The following CPLX2 variants were observed in gnomAD, a reference collection of about 807,000 sequenced individuals.
CPLX2 encodes the protein complexin-2.
Under a neutral mutation model 16.3 loss-of-function variants are expected in CPLX2, and 5 were observed. That is an observed-to-expected ratio of 0.31 (90% CI 0.16 to 0.64). The LOEUF is 0.64. Ranked by LOEUF, CPLX2 falls within the 30% of genes least tolerant of loss-of-function variation. The pLI is 0.79. For synonymous variants in CPLX2, 89 were observed against 73.2 expected (o/e 1.22, Z -1.10); for missense variants, 144 against 181.4 (o/e 0.79, Z 1.18).
At chr5:175,817,929 G>C (rs1258809786) in intron 2 of CPLX2, among the ~76,000 whole-genome samples, 1 of 152,156 alleles carries the variant, frequency 6.6e-6, no homozygotes, top group Non-Finnish European at 1.5e-5. Context: ...TCAACCTAGG[G>C]TTAAGTGTGG....
At chr5:175,879,448 C>A (rs1755514682) in intron 3 of CPLX2, among the ~76,000 whole-genome samples, 1 of 152,212 alleles carries the variant, frequency 6.6e-6, no homozygotes, top group African/African-American at 2.4e-5. Flanking sequence ...GGGTCTGGGG[C>A]TGCCACCCTA....
intron 2 of CPLX2, among the ~76,000 whole-genome samples, chr5:175,824,414 A>G (rs903199087): frequency 1.3e-5 from 2 of 152,156 alleles, no homozygotes; most frequent in African/African-American, 4.8e-5. Flanking sequence ...AACCCCAGAG[A>G]TAGAAGAGCC....
chr5:175,853,020 T>C lies in CPLX2; in HGVS notation c.-88-25632T>C, dbSNP rs114314590. Among the ~76,000 whole-genome samples, 952 of 152,348 alleles carry C rather than the reference T, an allele frequency of 6.2e-3. 9 individuals carry two copies. Among genetic ancestry groups the C allele is most frequent in the African/African-American group, 0.022 (907 of 41,588 alleles). ...CATGACCAGAGGGCTAGCCTCAGAC[T>C]GAGGGCCCAGGCCCAACAGCGTGGG... is the stretch of plus-strand genomic sequence containing the variant. On this transcript the variant is annotated intron_variant, in intron 2 of 4. Transcript: ENST00000359546.
chr5:175,863,254 G>A (rs956702582), intron 2 of CPLX2, among the ~76,000 whole-genome samples: 3 of 152,210 alleles, frequency 2.0e-5, no homozygotes, highest in Admixed American at 6.5e-5. Flanking sequence ...TGGTGAGGTC[G>A]CCATATAGGG....
In CPLX2 at chr5:175,880,218, C is replaced by T. The variant is rs1380897669; in HGVS notation, c.*173C>T. On this transcript the variant is annotated 3_prime_UTR_variant, in exon 4 of 4. Transcript: ENST00000393745. ...GCTCTCCCTCACACCTCCCTTCATC[C>T]CAGGGTATCCACCTGCACCCCACTC... is the stretch of plus-strand genomic sequence containing the variant. 1 of 735,578 alleles carries T rather than the reference C, an allele frequency of 1.4e-6. No homozygotes were observed. Among genetic ancestry groups the T allele is most frequent in the Non-Finnish European group, 2.5e-6 (1 of 405,412 alleles). The allele number at this position is 735,578 out of a possible 1,614,324, so 45.6% of individuals were successfully genotyped here.
upstream of CPLX2, chr5:175,871,485 G>GAGA (rs1561790514): frequency 6.7e-6 from 1 of 149,402 alleles, no homozygotes; most frequent in Non-Finnish European, 1.5e-5. Flanking sequence ...GAGAGAGAGA[G>GAGA]ATTTGAATTT....
At chr5:175,796,796 G>T (rs1420959657) in intron 1 of CPLX2, 1 of 152,248 alleles carries the variant, frequency 6.6e-6, no homozygotes. Context: ...TTCGTAGAAC[G>T]CGCGCTCGCT....
At chr5:175,844,104 T>G (rs1758998373) in intron 2 of CPLX2, among the ~76,000 whole-genome samples, 1 of 152,076 alleles carries the variant, frequency 6.6e-6, no homozygotes, top group Admixed American at 6.5e-5. Flanking sequence ...TTAAAAGGGG[T>G]GGGGTTTCTG....
intron 1 of CPLX2, among the ~76,000 whole-genome samples, chr5:175,804,056 TAAGATA>T (rs1365514986): frequency 6.6e-6 from 1 of 152,108 alleles, no homozygotes; most frequent in Admixed American, 6.5e-5. Context: ...AAAACTTGAT[TAAGATA>T]AATAACTTTT....
At chr5:175,879,234 C>G in intron 3 of CPLX2, 151 bp downstream of exon 3, 1 of 794,030 alleles carries the variant, frequency 1.3e-6, no homozygotes, top group Non-Finnish European at 2.0e-6. Context: ...ACGGGTATCA[C>G]AAGGTCACCT....
intron 2 of CPLX2, among the ~76,000 whole-genome samples, chr5:175,859,577 G>A (rs924833391): frequency 1.3e-5 from 2 of 152,248 alleles, no homozygotes; most frequent in African/African-American, 2.4e-5. Context: ...GGAACAGATG[G>A]CACCTGCCCA....
At chr5:175,846,699 G>A (rs1759049575) in intron 2 of CPLX2, among the ~76,000 whole-genome samples, 1 of 152,148 alleles carries the variant, frequency 6.6e-6, no homozygotes. Context: ...TTCCCCAACT[G>A]TTCTAGGAGC....
chr5:175,871,811 C>G (rs1003802324), intron 1 of CPLX2, 106 bp downstream of exon 1: 1 of 152,554 alleles, frequency 6.6e-6, no homozygotes, highest in African/African-American at 2.4e-5. Context: ...GGGAGCACGG[C>G]TTTCGGGGGG....
Position 175,830,521 on chromosome 5 carries a change from C to T in CPLX2, c.-89+21453C>T, listed in dbSNP as rs1758716286. 6.6e-6 allele frequency among the ~76,000 whole-genome samples: 1 copy of T among 152,158 alleles called. No individual in the cohort carries two copies. The highest frequency in any genetic ancestry group is 1.5e-5 in the Non-Finnish European group (1 of 68,028). On this transcript the variant is annotated intron_variant, in intron 2 of 4. Transcript: ENST00000359546. This position sits in a 1 kb window ranked among gnomAD's most constrained non-coding sequence, Gnocchi z 4.0. ...GTTTTAGGGGTGAAGCACCCCACCCCCAGCTGTCCAGCCACCCTTAGCCTC... is the reference window on the plus strand; with the variant it reads ...GTTTTAGGGGTGAAGCACCCCACCCTCAGCTGTCCAGCCACCCTTAGCCTC...
intron 2 of CPLX2, among the ~76,000 whole-genome samples, chr5:175,853,194 T>C (rs567947852): frequency 6.6e-6 from 1 of 152,324 alleles, no homozygotes; most frequent in South Asian, 2.1e-4. Flanking sequence ...TTTTTGCAAG[T>C]GAATGAAATG....
chr5:175,818,050 C>T (rs531604690), intron 2 of CPLX2, among the ~76,000 whole-genome samples: 22 of 152,262 alleles, frequency 1.4e-4, no homozygotes, highest in East Asian at 3.9e-4. Context: ...TGAGCATAAG[C>T]GCAAGAAATG....
intron 2 of CPLX2, among the ~76,000 whole-genome samples, chr5:175,832,280 AAGCTCATTG>A (rs1758747970): frequency 1.3e-5 from 2 of 152,198 alleles, no homozygotes; most frequent in African/African-American, 4.8e-5. Context: ...AAGACCATGA[AAGCTCATTG>A]AGCACCATGC....
intron 2 of CPLX2, among the ~76,000 whole-genome samples, chr5:175,822,675 T>C (rs1758535385): frequency 6.6e-6 from 1 of 152,208 alleles, no homozygotes; most frequent in Non-Finnish European, 1.5e-5. Flanking sequence ...AGGCCTTCCT[T>C]TGCAGAGTGG....
intron 2 of CPLX2, among the ~76,000 whole-genome samples, chr5:175,843,023 C>T (rs930745051): frequency 1.3e-5 from 2 of 152,194 alleles, no homozygotes; most frequent in Non-Finnish European, 2.9e-5. Context: ...CTCATCCCCC[C>T]AGGCTGAGCT....
Sources: allele counts gnomAD v4.1 joint callset (sites outside exome capture counted in the v4.1 genomes callset), GRCh38; gene constraint gnomAD v4.1.1; non-coding constraint Gnocchi (gnomAD v3.1); transcripts MANE v1.5; gene names NCBI Gene and HGNC (gene_info 2026-07-23, HGNC 2026-07-21).